The following PBX1 variants were observed in gnomAD, a reference collection of about 807,000 sequenced individuals.
PBX1 encodes PBX homeobox 1, also known as pre-B-cell leukemia transcription factor 1.
PBX1 carries 6 observed loss-of-function variants against 53.4 expected under a neutral mutation model. The ratio of observed to expected loss-of-function variants is 0.11; its 90% confidence interval spans 0.06 to 0.22. The LOEUF is 0.22. Ranked by LOEUF, PBX1 falls within the 10% of genes least tolerant of loss-of-function variation. The pLI is 1.00. For missense variants in PBX1, 251 were observed against 551.4 expected, an observed-to-expected ratio of 0.46 and a Z score of 5.46; for synonymous variants, 204 against 212.3, an observed-to-expected ratio of 0.96 and a Z score of 0.34.
chr1:164,862,193 C>T (rs1245615290), intron 2 of PBX1, among the ~76,000 whole-genome samples: 1 of 152,072 alleles, frequency 6.6e-6, no homozygotes, highest in Non-Finnish European at 1.5e-5. Flanking sequence ...AGTGTGAGGA[C>T]CCAGAGAAAA....
At chr1:164,649,227 T>C (rs1162906716) in intron 2 of PBX1, among the ~76,000 whole-genome samples, 5 of 152,170 alleles carry the variant, frequency 3.3e-5, no homozygotes, top group Non-Finnish European at 7.3e-5. Flanking sequence ...AAGTATTCTA[T>C]AATCATATTT....
chr1:164,849,345 C>T lies in PBX1; in HGVS notation c.*2669C>T, dbSNP rs1307177222. ...TTAGTCTTCTCTATACCCAGCACCT[C>T]CCCCGGCACCCCCGGCAAGCCCACT... On this transcript the variant is annotated 3_prime_UTR_variant, in exon 9 of 9. Transcript: ENST00000420696. 1.3e-6 allele frequency: 2 copies of T among 1,535,482 alleles called. No homozygotes were observed. The highest frequency in any genetic ancestry group is 2.4e-5 in the East Asian group (1 of 40,894).
rs11377691 is a variant in PBX1, at chr1:164,679,927, G to GTT, written c.266-112559_266-112558dup. Among the ~76,000 whole-genome samples the GTT allele has an allele frequency of 1.7e-3, 254 of 150,472 alleles. 1 individual carries two copies. The highest frequency in any genetic ancestry group is 8.2e-3 in the South Asian group (39 of 4,744). On this transcript the variant is annotated intron_variant, in intron 2 of 8. Coordinates refer to ENST00000420696, the MANE Select transcript of PBX1 (RefSeq NM_002585.4). ...GTCTTATGACTCCAAACTCCTGCTG[G>GTT]TTTTTTTTTATTTGTCTGAAAACTG...
At chr1:164,867,701 G>A (rs1672251464) in intron 2 of PBX1, among the ~76,000 whole-genome samples, 1 of 152,210 alleles carries the variant, frequency 6.6e-6, no homozygotes, top group Admixed American at 6.5e-5. Flanking sequence ...AGGGAAGCGC[G>A]GGAGGAGTCA....
chr1:164,752,314 T>A (rs1666280938), intron 2 of PBX1, among the ~76,000 whole-genome samples: 1 of 150,030 alleles, frequency 6.7e-6, no homozygotes, highest in Admixed American at 6.7e-5. Flanking sequence ...TCTCTACTCA[T>A]AATTTCCTTC....
intron 2 of PBX1, among the ~76,000 whole-genome samples, chr1:164,566,252 T>TA (rs1230260718): frequency 2.0e-5 from 3 of 152,164 alleles, no homozygotes; most frequent in African/African-American, 7.2e-5. Context: ...TGGGGATATT[T>TA]AAAAAACAAA....
rs1671695318 is a variant in PBX1, at chr1:164,848,870, C to T, written c.*2194C>T. The T allele has an allele frequency of 9.4e-7, 1 of 1,066,458 alleles. No homozygotes were observed. The highest frequency in any genetic ancestry group is 1.1e-6 in the Non-Finnish European group (1 of 880,104). The allele number at this position is 1,066,458 out of a possible 1,614,324, so 66.1% of individuals were successfully genotyped here. On this transcript the variant is annotated 3_prime_UTR_variant, in exon 9 of 9. Transcript: ENST00000420696. ...GGAGCAGGGGATGCCACTGAAGAAA[C>T]TCAAGGGAATGTGTATTTGAAGGAA...
chr1:164,742,678 A>G (rs755419727), intron 2 of PBX1, among the ~76,000 whole-genome samples: 8 of 152,240 alleles, frequency 5.3e-5, no homozygotes, highest in Non-Finnish European at 7.3e-5. Context: ...GGAAATTGCT[A>G]TATAAAAACA....
intron 2 of PBX1, among the ~76,000 whole-genome samples, chr1:164,871,105 C>T (rs1287568660): frequency 1.3e-5 from 2 of 152,218 alleles, no homozygotes. Flanking sequence ...GACAGGTTCC[C>T]CATCCTTTTG....
At chr1:164,717,017 T>C (rs1224663759) in intron 2 of PBX1, among the ~76,000 whole-genome samples, 1 of 152,130 alleles carries the variant, frequency 6.6e-6, no homozygotes, top group Non-Finnish European at 1.5e-5. Flanking sequence ...ATGGGCACGG[T>C]TGAAGTCAGC....
chr1:164,746,655 G>A (rs1006892409), intron 2 of PBX1, among the ~76,000 whole-genome samples: 3 of 152,112 alleles, frequency 2.0e-5, no homozygotes, highest in Non-Finnish European at 4.4e-5. Context: ...TGATCCACCC[G>A]CCTCAGCCTC....
chr1:164,679,019 C>CT (rs1464238768), intron 2 of PBX1, among the ~76,000 whole-genome samples: 1 of 152,186 alleles, frequency 6.6e-6, no homozygotes, highest in Non-Finnish European at 1.5e-5. Context: ...AATTCATATT[C>CT]TACATGTATC....
chr1:164,834,084 A>G lies in PBX1; in HGVS notation c.1200+12458A>G, dbSNP rs1045116096. Among the ~76,000 whole-genome samples the G allele has an allele frequency of 3.7e-4, 41 of 110,040 alleles. 1 individual carries two copies. Among genetic ancestry groups the G allele is most frequent in the South Asian group, 6.6e-4 (2 of 3,010 alleles). 72.2% of individuals were successfully genotyped at this position (110,040 alleles called of 152,430 possible). ...GTGTGTGTGTGTATTCAGAGCTCAG[A>G]TATCTGTGACTGTTTTTTCTCTTTT... On this transcript the variant is annotated intron_variant, in intron 8 of 8. Transcript: ENST00000420696.
chr1:164,612,170 A>T (rs532921087), intron 2 of PBX1, among the ~76,000 whole-genome samples: 1 of 152,206 alleles, frequency 6.6e-6, no homozygotes, highest in Admixed American at 6.5e-5. Flanking sequence ...TGAAGTTGGT[A>T]GGTTGTAATA....
intron 3 of PBX1, among the ~76,000 whole-genome samples, chr1:164,794,651 A>C (rs1668697827): frequency 6.6e-6 from 1 of 152,198 alleles, no homozygotes; most frequent in Non-Finnish European, 1.5e-5. Context: ...CATGACCATC[A>C]TTTAGAATTT....
At chr1:164,591,193 G>A (rs1198733310) in intron 2 of PBX1, among the ~76,000 whole-genome samples, 1 of 151,858 alleles carries the variant, frequency 6.6e-6, no homozygotes, top group East Asian at 1.9e-4. Context: ...TGTATTTTTC[G>A]TAGAGACGGG....
At chr1:164,671,442 G>A (rs1339776438) in intron 2 of PBX1, among the ~76,000 whole-genome samples, 2 of 152,198 alleles carry the variant, frequency 1.3e-5, no homozygotes. Flanking sequence ...CTTTGTGTGT[G>A]AGTGCATGCA....
intron 2 of PBX1, among the ~76,000 whole-genome samples, chr1:164,590,044 C>T (rs550515302): frequency 6.6e-6 from 1 of 151,678 alleles, no homozygotes; most frequent in South Asian, 2.1e-4. Flanking sequence ...CCTGTTTCTA[C>T]AAATAGTAAT....
intron 8 of PBX1, among the ~76,000 whole-genome samples, chr1:164,834,991 C>T (rs1169670085): frequency 6.6e-6 from 1 of 152,178 alleles, no homozygotes; most frequent in Non-Finnish European, 1.5e-5. Context: ...AGAAAATTTA[C>T]TGTTAACTTT....
Sources: allele counts gnomAD v4.1 joint callset (sites outside exome capture counted in the v4.1 genomes callset), GRCh38; gene constraint gnomAD v4.1.1; transcripts MANE v1.5; gene names NCBI Gene and HGNC (gene_info 2026-07-23, HGNC 2026-07-21).